The following CACNA2D1 variants were observed in gnomAD, a reference collection of about 807,000 sequenced individuals.
CACNA2D1 encodes the protein calcium voltage-gated channel auxiliary subunit alpha2delta 1, also known as voltage-dependent calcium channel subunit alpha-2/delta-1.
In CACNA2D1, 53 loss-of-function variants were observed where a neutral mutation model predicts 171.5. The ratio of observed to expected loss-of-function variants is 0.31; its 90% CI spans 0.25 to 0.39. The LOEUF (loss-of-function observed/expected upper bound fraction) is 0.39, where lower values mean the gene tolerates loss of function less well. Ranked by LOEUF, CACNA2D1 falls within the 10% of genes least tolerant of loss-of-function variation. CACNA2D1 has a pLI of 1.00. For synonymous variants in CACNA2D1, 442 were observed against 443.1 expected, an observed-to-expected ratio of 1.00 and a Z score of 0.03; for missense variants, 903 against 1,299.8, an observed-to-expected ratio of 0.69 and a Z score of 4.69.
At chr7:82,107,436 C>T (rs1416715138) in intron 6 of CACNA2D1, among the ~76,000 whole-genome samples, 1 of 152,158 alleles carries the variant, frequency 6.6e-6, no homozygotes, top group Non-Finnish European at 1.5e-5. Context: ...CCCTTCCTCT[C>T]TCTGCTTCTC....
intron 1 of CACNA2D1, among the ~76,000 whole-genome samples, chr7:82,388,356 A>G (rs570202126): frequency 6.6e-5 from 10 of 152,250 alleles, no homozygotes; most frequent in South Asian, 6.2e-4. Context: ...ACAGATGGAT[A>G]AGAAGATAAA....
rs114331089 is a variant in CACNA2D1, at chr7:82,120,559, A to G, written c.397-3386T>C. 3.3e-3 allele frequency among the ~76,000 whole-genome samples: 501 copies of G among 151,798 alleles called. 6 individuals carry two copies. The highest frequency in any genetic ancestry group is 0.028 in the South Asian group (135 of 4,792). ...TCTGAATATTCTGGCATACTGGGAT[A>G]CTGGATCAACACTATGGATTAAAAA... On this transcript the variant is annotated intron_variant, in intron 5 of 38. Coordinates refer to ENST00000356860, the MANE Select transcript of CACNA2D1 (RefSeq NM_000722.4).
At chr7:81,957,597 C>T (rs928378986) in intron 38 of CACNA2D1, among the ~76,000 whole-genome samples, 1 of 152,044 alleles carries the variant, frequency 6.6e-6, no homozygotes, top group Non-Finnish European at 1.5e-5. Flanking sequence ...AAAGAAAACA[C>T]AGAAGACATA....
intron 20 of CACNA2D1, among the ~76,000 whole-genome samples, chr7:81,993,042 T>C (rs1269293463): frequency 2.0e-5 from 3 of 152,174 alleles, no homozygotes; most frequent in African/African-American, 4.8e-5. Context: ...CTTATTTCAG[T>C]AGTAATACTA....
intron 7 of CACNA2D1, among the ~76,000 whole-genome samples, chr7:82,075,597 T>C (rs1808866839): frequency 6.6e-6 from 1 of 152,120 alleles, no homozygotes; most frequent in Admixed American, 6.5e-5. Flanking sequence ...TAGATGACAA[T>C]AATGACATTG....
At chr7:82,254,481 T>C (rs1806047287) in intron 3 of CACNA2D1, among the ~76,000 whole-genome samples, 1 of 152,166 alleles carries the variant, frequency 6.6e-6, no homozygotes, top group African/African-American at 2.4e-5. Flanking sequence ...ATGTAATGAT[T>C]ATGACACTTT....
intron 12 of CACNA2D1, among the ~76,000 whole-genome samples, chr7:82,019,326 A>G (rs1196843386): frequency 6.6e-6 from 1 of 152,198 alleles, no homozygotes; most frequent in East Asian, 1.9e-4. Context: ...CTCAAAACAA[A>G]AAACAAAAAA....
At chr7:81,974,137 T>TA (rs937943381) in intron 25 of CACNA2D1, among the ~76,000 whole-genome samples, 30 of 152,002 alleles carry the variant, frequency 2.0e-4, no homozygotes, top group Admixed American at 1.2e-3. Context: ...CAAAATGCTA[T>TA]AAAAAAACCT....
chr7:81,974,970 C>T (rs948999122), intron 24 of CACNA2D1, among the ~76,000 whole-genome samples: 3 of 151,420 alleles, frequency 2.0e-5, no homozygotes, highest in Admixed American at 1.3e-4. Flanking sequence ...CAACATGGCA[C>T]GTGTATACCA....
chr7:82,372,769 G>T (rs1822553514), intron 1 of CACNA2D1, among the ~76,000 whole-genome samples: 1 of 152,082 alleles, frequency 6.6e-6, no homozygotes, highest in Non-Finnish European at 1.5e-5. Flanking sequence ...GACTTGCAAA[G>T]AATCTACAGC....
chr7:82,157,535 A>G (rs939238149), intron 4 of CACNA2D1, among the ~76,000 whole-genome samples: 1 of 152,074 alleles, frequency 6.6e-6, no homozygotes, highest in African/African-American at 2.4e-5. Context: ...AAAACCTTGT[A>G]AAAATAGAGA....
intron 3 of CACNA2D1, among the ~76,000 whole-genome samples, chr7:82,240,062 G>A (rs1331611227): frequency 6.6e-6 from 1 of 152,132 alleles, no homozygotes; most frequent in Non-Finnish European, 1.5e-5. Flanking sequence ...AGATTATTGT[G>A]CAAAAGAACA....
At chr7:82,110,955 G>A (rs1233901906) in intron 6 of CACNA2D1, among the ~76,000 whole-genome samples, 1 of 151,892 alleles carries the variant, frequency 6.6e-6, no homozygotes, top group African/African-American at 2.4e-5. Flanking sequence ...TAGAATGCAG[G>A]CTCCATGAGT....
intron 10 of CACNA2D1, among the ~76,000 whole-genome samples, chr7:82,050,183 A>G (rs181085436): frequency 6.6e-6 from 1 of 152,250 alleles, no homozygotes; most frequent in Admixed American, 6.5e-5. Context: ...ACACAGTGCA[A>G]CTCCATATTT....
chr7:82,178,666 A>G (rs1023293284), intron 3 of CACNA2D1, among the ~76,000 whole-genome samples: 1 of 152,134 alleles, frequency 6.6e-6, no homozygotes, highest in African/African-American at 2.4e-5. Context: ...TGGAGCTATT[A>G]GACATATGGA....
intron 6 of CACNA2D1, among the ~76,000 whole-genome samples, chr7:82,099,928 C>T (rs1201430401): frequency 6.6e-6 from 1 of 151,828 alleles, no homozygotes; most frequent in African/African-American, 2.4e-5. Context: ...CACACTGAGG[C>T]CTGTCAGGGG....
Position 82,337,492 on chromosome 7 carries a change from CTCTT to C in CACNA2D1, c.178-2245_178-2242del, listed in dbSNP as rs748626918. ...TTTCATAATATGTGTATATTTCTAA[CTCTT>C]TCCATCACTAAGACATATTTCTACA... On this transcript the variant is annotated intron_variant, in intron 2 of 38. Transcript: ENST00000356860. 1.2e-4 allele frequency among the ~76,000 whole-genome samples: 19 copies of C among 152,268 alleles called. No homozygotes were observed. The South Asian group carries it at 2.3e-3, about 18-fold the overall frequency.
chr7:82,335,760 T>C (rs988313623), intron 2 of CACNA2D1, among the ~76,000 whole-genome samples: 1 of 152,172 alleles, frequency 6.6e-6, no homozygotes, highest in Non-Finnish European at 1.5e-5. Flanking sequence ...ACAGTTCACA[T>C]ATAGAAGAGA....
chr7:82,274,682 T>A (rs1809085376), intron 3 of CACNA2D1, among the ~76,000 whole-genome samples: 1 of 152,170 alleles, frequency 6.6e-6, no homozygotes, highest in African/African-American at 2.4e-5. Flanking sequence ...CATATCTATA[T>A]TGAATAATGT....
Sources: gnomAD v4.1 joint callset for allele counts (sites outside exome capture counted in the v4.1 genomes callset) on GRCh38, gnomAD v4.1.1 for gene constraint, MANE v1.5 for transcripts, NCBI Gene and HGNC (gene_info 2026-07-23, HGNC 2026-07-21) for gene names.